DNAAF8: variants seen among roughly 807,000 people sequenced by gnomAD.
The protein encoded by DNAAF8 is dynein axonemal-associated protein 1.
A neutral mutation model predicts 54.6 loss-of-function variants in DNAAF8; 61 were observed. That is an observed-to-expected ratio of 1.12 (90% CI 0.91 to 1.38). DNAAF8 has a LOEUF of 1.38. Among genes scored for constraint, DNAAF8 ranks in the 40% most tolerant of loss-of-function variants. The pLI, the probability that DNAAF8 is intolerant of heterozygous loss-of-function variation, is 0.00. For missense variants in DNAAF8, 837 were observed against 665.0 expected (o/e 1.26, Z -2.85); for synonymous variants, 320 against 270.1 (o/e 1.18, Z -1.81).
intron 7 of DNAAF8, 73 bp from the exon 8 acceptor site, chr16:4,746,854 G>A: frequency 7.4e-7 from 1 of 1,356,998 alleles, no homozygotes; most frequent in Non-Finnish European, 9.9e-7. Flanking sequence ...AAGCCCGAGT[G>A]CTTCAAGCCC....
rs755483856 is a variant in DNAAF8 at position 4,746,432 on chromosome 16, C to T, written c.1101C>T (p.Gly367=). ...QAGPGPQLAQ[G]MRLNAESPTI... ...GGCCAGGCCCGCAGCTGGCCCAGGG[C>T]ATGAGGCTTAACGCAGAGTCCCCCA... Residue 367 remains glycine (G), a synonymous_variant, in exon 7 of 10, where the codon GGC becomes GGT. Coordinates refer to ENST00000299320, the MANE Select transcript of DNAAF8 (RefSeq NM_139170.3). The T allele has an allele frequency of 4.6e-5, 75 of 1,613,380 alleles. No individual in the cohort carries two copies. The highest frequency in any genetic ancestry group is 6.1e-5 in the Non-Finnish European group (72 of 1,179,720).
intron 2 of DNAAF8, 152 bp downstream of exon 2, chr16:4,736,795 C>CA: frequency 1.1e-6 from 1 of 902,822 alleles, no homozygotes; most frequent in Non-Finnish European, 1.5e-6. Context: ...TGGCCAGACT[C>CA]AAAGTTGTGT....
In DNAAF8 at chr16:4,739,265, G is replaced by GTTTTTT. The variant is rs35113323; in HGVS notation, c.277-872_277-867dup. Among the ~76,000 whole-genome samples the GTTTTTT allele has an allele frequency of 3.8e-3, 264 of 69,016 alleles. 20 individuals are homozygous for GTTTTTT. The highest frequency in any genetic ancestry group is 0.011 in the African/African-American group (198 of 18,458). The allele number at this position is 69,016 out of a possible 152,430, so 45.3% of individuals were successfully genotyped here. Reference sequence around the variant, plus strand: ...AAACTCTTCTGGATGATTTTTTCTTGTTTTTTTTTTTTTTTTTTTTTGTAA... The same window carrying GTTTTTT: ...AAACTCTTCTGGATGATTTTTTCTTGTTTTTTTTTTTTTTTTTTTTTTTTTTTGTAA... On this transcript the variant is annotated intron_variant, in intron 3 of 9. Transcript: ENST00000299320.
rs773441195 is a variant in DNAAF8, at chr16:4,740,152, G to A, written c.277-1G>A. Reference sequence around the variant, plus strand: ...ACTGAACATACCTGTTTTCTTGACAGCCAGTTCTGGTGCCTGCAGAATTGG... The same window carrying A: ...ACTGAACATACCTGTTTTCTTGACAACCAGTTCTGGTGCCTGCAGAATTGG... On this transcript the variant is annotated splice_acceptor_variant, in intron 3 of 9. Coordinates refer to ENST00000299320, the MANE Select transcript of DNAAF8 (RefSeq NM_139170.3). LOFTEE classifies it high-confidence loss of function. 5 of 1,591,762 alleles carry A rather than the reference G, an allele frequency of 3.1e-6. No homozygotes were observed. The South Asian group carries it at 5.6e-5, about 18-fold the overall frequency.
At chr16:4,735,398 G>C (rs1317540167) in intron 1 of DNAAF8, 4 of 152,222 alleles carry the variant, frequency 2.6e-5, no homozygotes, top group Non-Finnish European at 5.9e-5. Flanking sequence ...GAAGTACAGA[G>C]GAAGCAAGCA....
Position 4,737,920 on chromosome 16 carries a change from G to C in DNAAF8, c.250G>C (p.Ala84Pro), listed in dbSNP as rs765201393. 7 of 1,614,224 alleles carry C rather than the reference G, an allele frequency of 4.3e-6. No individual in the cohort carries two copies. Among genetic ancestry groups the C allele is most frequent in the Non-Finnish European group, 5.9e-6 (7 of 1,180,042 alleles). Reference sequence around the variant, plus strand: ...TGGCGACAAGTCCAGGGCCTGGGTCGCTGCAGCTGAAGAGTCCCTTCCCGA... The same window carrying C: ...TGGCGACAAGTCCAGGGCCTGGGTCCCTGCAGCTGAAGAGTCCCTTCCCGA... ...ADGDKSRAWV[A>P]AAEESLPEPV... The change falls in exon 3 of 10, where the codon GCT (alanine) becomes CCT (proline). Residue 84 changes from alanine to proline, a missense_variant. By Grantham distance (27) the Ala-to-Pro change is conservative. Coordinates refer to ENST00000299320, the MANE Select transcript of DNAAF8 (RefSeq NM_139170.3).
At chr16:4,743,354 C>G in intron 5 of DNAAF8, 194 bp downstream of exon 5, 1 of 491,258 alleles carries the variant, frequency 2.0e-6, no homozygotes, top group Non-Finnish European at 3.5e-6. Flanking sequence ...ATGTGACCGC[C>G]TGCTACGTGC....
rs375845445 is a variant in DNAAF8, at chr16:4,747,435, C to G, written c.1373C>G (p.Ala458Gly). ...GAGCTGCCTGCCAGCAAGGGGCCCG[C>G]GGGTGGGAGGGCTCAGGCCCCTGAA... Reference protein sequence around the residue: ...QPELPASKGPAGGRAQAPEDT... With the variant: ...QPELPASKGPGGGRAQAPEDT... The change falls in exon 9 of 10, where the codon GCG becomes GGG. Residue 458 changes from alanine (A) to glycine (G), a missense_variant. Coordinates refer to ENST00000299320, the MANE Select transcript of DNAAF8 (RefSeq NM_139170.3). 6.2e-7 allele frequency: 1 copy of G among 1,613,028 alleles called. No homozygotes were observed. The highest frequency in any genetic ancestry group is 1.7e-5 in the Admixed American group (1 of 60,030).
intron 3 of DNAAF8, among the ~76,000 whole-genome samples, chr16:4,739,865 CTATGT>C (rs2081940952): frequency 6.6e-6 from 1 of 151,714 alleles, no homozygotes; most frequent in Non-Finnish European, 1.5e-5. Context: ...GGAAGACCAA[CTATGT>C]TGTAGAGACT....
intron 2 of DNAAF8, 66 bp from the exon 3 acceptor site, chr16:4,737,734 G>A (rs1164628189): frequency 6.4e-7 from 1 of 1,564,116 alleles, no homozygotes; most frequent in Non-Finnish European, 8.8e-7. Flanking sequence ...GGAGAGCGGG[G>A]GTGGCTAGGC....
At position 4,740,149 on chromosome 16, in the gene DNAAF8, A is replaced by G. The variant is rs1280355135; in HGVS notation, c.277-4A>G. 6.3e-7 allele frequency: 1 copy of G among 1,587,492 alleles called. No individual in the cohort carries two copies. The highest frequency in any genetic ancestry group is 1.1e-5 in the South Asian group (1 of 88,428). On this transcript the variant is annotated splice_region_variant and splice_polypyrimidine_tract_variant and intron_variant, in intron 3 of 9. Transcript: ENST00000299320. ...CTAACTGAACATACCTGTTTTCTTG[A>G]CAGCCAGTTCTGGTGCCTGCAGAAT... is the stretch of plus-strand genomic sequence containing the variant.
rs749870718 is a variant in DNAAF8 at position 4,743,187 on chromosome 16, G to A, written c.901+27G>A. 28 of 1,496,920 alleles carry A rather than the reference G, an allele frequency of 1.9e-5. No homozygotes were observed. In the South Asian group the frequency reaches 2.2e-4, roughly 12 times the overall value. 92.7% of individuals were successfully genotyped at this position (1,496,920 alleles called of 1,614,324 possible). A position where few individuals can be genotyped will look rare whatever the true frequency, so the allele number is the denominator to read the frequency against. ...TCTGACCTTGAACACTGGAGCCCAC[G>A]TGAATCCCCACAAGCAGCACCTTCC... On this transcript the variant is annotated intron_variant, in intron 5 of 9. Coordinates refer to ENST00000299320, the MANE Select transcript of DNAAF8 (RefSeq NM_139170.3).
Position 4,744,853 on chromosome 16 carries a change from C to G in DNAAF8, c.902-17C>G, listed in dbSNP as rs375708979. 53 of 1,608,262 alleles carry G rather than the reference C, an allele frequency of 3.3e-5. No individual in the cohort carries two copies. Among genetic ancestry groups the G allele is most frequent in the Non-Finnish European group, 2.2e-5 (26 of 1,176,648 alleles). ...GCCAAGTCCCCACTAATCAGCCTCT[C>G]CTTTGGCCATCCTCAGACCGCATGG... On this transcript the variant is annotated splice_polypyrimidine_tract_variant and intron_variant, in intron 5 of 9. Coordinates refer to ENST00000299320, the MANE Select transcript of DNAAF8 (RefSeq NM_139170.3).
chr16:4,734,711 G>A lies in DNAAF8; in HGVS notation c.-52+13G>A, dbSNP rs919847823. 2.6e-5 allele frequency: 4 copies of A among 152,272 alleles called. No homozygotes were observed. The highest frequency in any genetic ancestry group is 9.7e-5 in the African/African-American group (4 of 41,438). 9.4% of individuals were successfully genotyped at this position (152,272 alleles called of 1,614,324 possible). On this transcript the variant is annotated intron_variant, in intron 1 of 9. Transcript: ENST00000299320. ...GCAGAGGCCTGAGGTGAGGGGCCTC[G>A]GGCCTGCTGCGCCTGCAGGGAGTTG...
rs200431070 is a variant in DNAAF8, at chr16:4,746,372, C to A, written c.1044-3C>A. ...TCCACAACACCTGCTTTTCTCATTT[C>A]AGATGTGCCTCAAGGAAGCAGGGCT... On this transcript the variant is annotated splice_polypyrimidine_tract_variant and splice_region_variant and intron_variant, in intron 6 of 9. Coordinates refer to ENST00000299320, the MANE Select transcript of DNAAF8 (RefSeq NM_139170.3). 1.2e-6 allele frequency: 2 copies of A among 1,610,092 alleles called. No homozygotes were observed. Among genetic ancestry groups the A allele is most frequent in the East Asian group, 4.5e-5 (2 of 44,876 alleles).
At position 4,747,044 on chromosome 16, in the gene DNAAF8, C is replaced by T; in HGVS notation, c.1280+19C>T. The T allele has an allele frequency of 6.6e-7, 1 of 1,511,636 alleles. No individual in the cohort carries two copies. Among genetic ancestry groups the T allele is most frequent in the Non-Finnish European group, 8.8e-7 (1 of 1,134,256 alleles). 93.6% of individuals were successfully genotyped at this position (1,511,636 alleles called of 1,614,324 possible). ...GGCTACGGTAACCACCCAGGGGCCT[C>T]TCGCCACCTGCAGATGTCCCACCTC... On this transcript the variant is annotated intron_variant, in intron 8 of 9. Transcript: ENST00000299320.
intron 5 of DNAAF8, 130 bp downstream of exon 5, chr16:4,743,290 C>A: frequency 1.6e-6 from 1 of 625,918 alleles, no homozygotes; most frequent in Non-Finnish European, 2.7e-6. Context: ...CTGCTGGCCC[C>A]GCCCTAAACA....
At chr16:4,746,883 C>A (rs1464223508) in intron 7 of DNAAF8, 44 bp from the exon 8 acceptor site, 3 of 1,481,664 alleles carry the variant, frequency 2.0e-6, no homozygotes, top group Non-Finnish European at 2.7e-6. Flanking sequence ...GTTGGAACAC[C>A]AGGTGGAGTG....
At position 4,740,502 on chromosome 16, in the gene DNAAF8, C is replaced by T. The variant is rs141675661; in HGVS notation, c.626C>T (p.Thr209Met). The T allele has an allele frequency of 6.8e-4, 1,100 of 1,614,098 alleles. 25 individuals are homozygous for T. In the East Asian group the frequency reaches 0.018, roughly 27 times the overall value. Reference sequence around the variant, plus strand: ...CAGGAGAGAAGGAAGATGATAGAGACGGACATCCTCCAGAAAGTCACCCGG... The same window carrying T: ...CAGGAGAGAAGGAAGATGATAGAGATGGACATCCTCCAGAAAGTCACCCGG... ...LRQERRKMIE[T>M]DILQKVTRDA... The change falls in exon 4 of 10, where the codon ACG (threonine) becomes ATG (methionine). Residue 209 changes from threonine to methionine, a missense_variant. Physicochemically the swap from Thr to Met is moderately conservative, Grantham distance 81. Transcript: ENST00000299320.
Sources: gnomAD v4.1 joint callset for allele counts (sites outside exome capture counted in the v4.1 genomes callset) on GRCh38, gnomAD v4.1.1 for gene constraint, MANE v1.5 for transcripts, NCBI Gene and HGNC (gene_info 2026-07-23, HGNC 2026-07-21) for gene names.